MAF: variants seen among roughly 807,000 people sequenced by gnomAD.
The protein encoded by MAF is transcription factor Maf.
Under a neutral mutation model 22.0 loss-of-function variants are expected in MAF, and 10 were observed. The observed-to-expected ratio is 0.45, with a 90% CI of 0.28 to 0.77. The LOEUF (loss-of-function observed/expected upper bound fraction) is 0.77, where lower values mean the gene tolerates loss of function less well. MAF is among the 30% of genes least tolerant of loss of function. MAF has a pLI of 0.12. For missense variants in MAF, 544 were observed against 548.4 expected (o/e 0.99, Z 0.08); for synonymous variants, 337 against 255.8 (o/e 1.32, Z -3.03).
At chr16:79,465,456 G>A in the MAF span, among the ~76,000 whole-genome samples, 3 of 152,208 alleles carry the variant, frequency 2.0e-5, no homozygotes, top group South Asian at 6.2e-4. Flanking sequence ...AATTGGGTGT[G>A]GTGATGTGTG....
chr16:79,287,118 CTTTTT>C, the MAF span, among the ~76,000 whole-genome samples: 2 of 136,212 alleles, frequency 1.5e-5, no homozygotes, highest in Admixed American at 7.3e-5. Flanking sequence ...CTCTGCCTTC[CTTTTT>C]TTTTTTTTTT....
chr16:79,318,102 A>G, the MAF span, among the ~76,000 whole-genome samples: 1 of 152,188 alleles, frequency 6.6e-6, no homozygotes, highest in Non-Finnish European at 1.5e-5. Flanking sequence ...TTGAGCACTT[A>G]TAATATGTGA....
chr16:79,458,014 A>T, the MAF span, among the ~76,000 whole-genome samples: 1 of 146,990 alleles, frequency 6.8e-6, no homozygotes, highest in African/African-American at 2.7e-5. Flanking sequence ...CATTAGAGAT[A>T]TTTTTTTTTC....
downstream of MAF, among the ~76,000 whole-genome samples, chr16:79,592,563 G>A (rs528068736): frequency 2.9e-4 from 44 of 152,312 alleles, no homozygotes; most frequent in South Asian, 8.5e-3. Flanking sequence ...GGCTGGACCT[G>A]GACCACCTCC....
At chr16:79,316,805 C>T in the MAF span, among the ~76,000 whole-genome samples, 7 of 152,258 alleles carry the variant, frequency 4.6e-5, no homozygotes, top group East Asian at 7.7e-4. Flanking sequence ...AGGTGTTACT[C>T]GCTCCCTTCT....
the MAF span, among the ~76,000 whole-genome samples, chr16:79,274,448 AC>A: frequency 3.3e-5 from 5 of 151,942 alleles, no homozygotes; most frequent in Non-Finnish European, 5.9e-5. Context: ...CCCCAAGGGG[AC>A]CCCAATGCAA....
At chr16:79,547,565 T>C in the MAF span, among the ~76,000 whole-genome samples, 1 of 152,100 alleles carries the variant, frequency 6.6e-6, no homozygotes, top group East Asian at 1.9e-4. Flanking sequence ...TAAAAGTTAA[T>C]CGTAAAGCAA....
the MAF span, among the ~76,000 whole-genome samples, chr16:79,272,825 G>A: frequency 6.6e-6 from 1 of 152,040 alleles, no homozygotes; most frequent in Non-Finnish European, 1.5e-5. Context: ...CCTCCACGTT[G>A]ACCTGATTCC....
At chr16:79,517,101 C>G in the MAF span, among the ~76,000 whole-genome samples, 1 of 152,108 alleles carries the variant, frequency 6.6e-6, no homozygotes, top group Non-Finnish European at 1.5e-5. Flanking sequence ...CTGGCATCAG[C>G]TGGTACCAGC....
At chr16:79,442,075 C>T in the MAF span, among the ~76,000 whole-genome samples, 1 of 152,324 alleles carries the variant, frequency 6.6e-6, no homozygotes, top group Non-Finnish European at 1.5e-5. Flanking sequence ...ATCCCTCAGA[C>T]CCTTCAGAGG....
the MAF span, among the ~76,000 whole-genome samples, chr16:79,279,608 C>T: frequency 1.4e-4 from 21 of 152,080 alleles, no homozygotes; most frequent in Non-Finnish European, 1.5e-5. Context: ...TGACCCCTCA[C>T]CCCTGCAAGT....
chr16:79,281,103 G>T, the MAF span, among the ~76,000 whole-genome samples: 597 of 152,206 alleles, frequency 3.9e-3, 2 homozygotes, highest in African/African-American at 0.014. Flanking sequence ...AAGACAAATA[G>T]AGGATGAATG....
At chr16:79,251,432 C>A in the MAF span, among the ~76,000 whole-genome samples, 3 of 151,012 alleles carry the variant, frequency 2.0e-5, no homozygotes, top group Non-Finnish European at 4.4e-5. Context: ...TCTCCTGCGT[C>A]AGCCTCCAGA....
chr16:79,569,791 T>G, the MAF span, among the ~76,000 whole-genome samples: 5 of 152,206 alleles, frequency 3.3e-5, no homozygotes, highest in Admixed American at 2.6e-4. Flanking sequence ...CAGATGATTT[T>G]CACAAGTGAC....
At chr16:79,490,627 C>T in the MAF span, among the ~76,000 whole-genome samples, 1 of 12,052 alleles carries the variant, frequency 8.3e-5, no homozygotes, top group Non-Finnish European at 4.3e-4. Flanking sequence ...CACACACACT[C>T]ACACATGCAT....
chr16:79,211,976 G>GGTAAAGTAAA, the MAF span: 7 of 1,536,084 alleles, frequency 4.6e-6, no homozygotes, highest in Middle Eastern at 1.7e-4. Flanking sequence ...GAATTCCTGG[G>GGTAAAGTAAA]GTAAAGTATC....
At chr16:79,545,524 G>C in the MAF span, among the ~76,000 whole-genome samples, 1 of 78,676 alleles carries the variant, frequency 1.3e-5, no homozygotes, top group African/African-American at 4.5e-5. Context: ...ACAAGCCATT[G>C]GAAAAAAAAA....
the MAF span, among the ~76,000 whole-genome samples, chr16:79,357,291 CA>C: frequency 6.9e-6 from 1 of 145,536 alleles, no homozygotes; most frequent in South Asian, 2.3e-4. Context: ...ACAACAACAA[CA>C]ACAACAATTA....
the MAF span, among the ~76,000 whole-genome samples, chr16:79,352,182 G>C: frequency 6.8e-3 from 1,029 of 152,256 alleles, 15 homozygotes; most frequent in African/African-American, 0.023. Flanking sequence ...CCTCAACTCA[G>C]AATTAAATCA....
Sources: gnomAD v4.1 joint callset for allele counts (sites outside exome capture counted in the v4.1 genomes callset) on GRCh38, gnomAD v4.1.1 for gene constraint, MANE v1.5 for transcripts, NCBI Gene and HGNC (gene_info 2026-07-23, HGNC 2026-07-21) for gene names.